Variants in MAP3K2 observed in about 807,000 individuals in gnomAD.
MAP3K2 encodes mitogen-activated protein kinase kinase kinase 2.
Under a neutral mutation model 80.3 loss-of-function variants are expected in MAP3K2, and 24 were observed. That is an observed-to-expected ratio of 0.30 (90% CI 0.22 to 0.42). The LOEUF (loss-of-function observed/expected upper bound fraction) is 0.42, where lower values mean the gene tolerates loss of function less well. Ranked by LOEUF, MAP3K2 falls within the 10% of genes least tolerant of loss-of-function variation. The pLI is 1.00. For missense variants in MAP3K2, 608 were observed against 750.1 expected (o/e 0.81, Z 2.21); for synonymous variants, 244 against 253.7 (o/e 0.96, Z 0.36).
At chr2:127,374,031 T>C (rs369926050) in intron 1 of MAP3K2, among the ~76,000 whole-genome samples, 9 of 152,314 alleles carry the variant, frequency 5.9e-5, no homozygotes, top group African/African-American at 2.2e-4. Flanking sequence ...ACCTAATGCT[T>C]TAACATTGTT....
chr2:127,324,084 T>C lies in MAP3K2; in HGVS notation c.745+90A>G, dbSNP rs892638471. 1.0e-4 allele frequency: 112 copies of C among 1,120,502 alleles called. 1 individual carries two copies. Among genetic ancestry groups the C allele is most frequent in the Middle Eastern group, 4.0e-4 (2 of 4,950 alleles). 69.4% of individuals were successfully genotyped at this position (1,120,502 alleles called of 1,614,324 possible). On this transcript the variant is annotated intron_variant, in intron 10 of 16. Coordinates refer to ENST00000682094, the MANE Select transcript of MAP3K2 (RefSeq NM_001371910.2). Reference sequence around the variant, plus strand: ...AAAAGCACATTTATAAATCTTTATTTGACTTTTCAAAAATCCCCCCTCTCC... The same window carrying C: ...AAAAGCACATTTATAAATCTTTATTCGACTTTTCAAAAATCCCCCCTCTCC...
intron 15 of MAP3K2, 115 bp from the exon 16 acceptor site, chr2:127,308,877 G>A: frequency 9.0e-7 from 1 of 1,116,148 alleles, no homozygotes; most frequent in South Asian, 1.6e-5. Flanking sequence ...CCCAAAGTTA[G>A]GCTGCTTTTC....
chr2:127,353,968 T>C (rs958015257), intron 1 of MAP3K2, among the ~76,000 whole-genome samples: 2 of 151,800 alleles, frequency 1.3e-5, no homozygotes, highest in African/African-American at 4.8e-5. Flanking sequence ...CTCTGAAACA[T>C]GTGCTGTGTC....
chr2:127,386,234 A>T (rs1244256853), intron 1 of MAP3K2, among the ~76,000 whole-genome samples: 1 of 152,204 alleles, frequency 6.6e-6, no homozygotes, highest in Non-Finnish European at 1.5e-5. Context: ...TTCAGTACAG[A>T]GCTCTGGCTC....
chr2:127,382,367 A>C (rs183356452), intron 1 of MAP3K2, among the ~76,000 whole-genome samples: 240 of 152,066 alleles, frequency 1.6e-3, no homozygotes, highest in Admixed American at 4.8e-3. Context: ...ATTGAGCTTC[A>C]TTTTATTCTG....
At chr2:127,369,604 T>C (rs909091509) in intron 1 of MAP3K2, among the ~76,000 whole-genome samples, 1 of 151,942 alleles carries the variant, frequency 6.6e-6, no homozygotes, top group Non-Finnish European at 1.5e-5. Flanking sequence ...TTCCATTTAA[T>C]GATTTTCAAA....
In MAP3K2 at chr2:127,338,943, G is replaced by C. The variant is rs1310683125; in HGVS notation, c.112C>G (p.Pro38Ala). 6.2e-7 allele frequency: 1 copy of C among 1,600,554 alleles called. No individual in the cohort carries two copies. Among genetic ancestry groups the C allele is most frequent in the East Asian group, 2.2e-5 (1 of 44,642 alleles). Residue 38 changes from proline (P) to alanine (A), a missense_variant, in exon 3 of 17, where the codon CCA becomes GCA. Pro to Ala is a conservative substitution (Grantham distance 27). Around this residue, in one of 4 missense-constraint regions of MAP3K2, gnomAD observed 467 missense variants for 521.9 expected, o/e 0.89. Transcript: ENST00000682094. ...QETRKAKSSS[P>A]KKQNDVRVKF... The stretch of plus-strand genomic sequence containing the variant: ...ATTAAAATAAATACCTGTTTTTTTG[G>C]TGATGAAGATTTTGCTTTTCTGGTT...
chr2:127,322,336 T>C lies in MAP3K2; in HGVS notation c.839-84A>G, dbSNP rs559529403. Reference sequence around the variant, plus strand: ...TATTTAAAATTTGTAATGTAGAGAATAGAAATTTGTCCTGTGACTAGGCTA... The same window carrying C: ...TATTTAAAATTTGTAATGTAGAGAACAGAAATTTGTCCTGTGACTAGGCTA... On this transcript the variant is annotated intron_variant, in intron 11 of 16. Coordinates refer to ENST00000682094, the MANE Select transcript of MAP3K2 (RefSeq NM_001371910.2). The surrounding 1 kb of genome is among the most constrained non-coding windows in gnomAD (Gnocchi z 4.2). 8 of 880,444 alleles carry C rather than the reference T, an allele frequency of 9.1e-6. No homozygotes were observed. The East Asian group carries it at 1.1e-4, about 12-fold the overall frequency. 54.5% of individuals were successfully genotyped at this position (880,444 alleles called of 1,614,324 possible).
At position 127,302,329 on chromosome 2, in the gene MAP3K2, T is replaced by A. The variant is rs1270838942; in HGVS notation, c.*5250A>T. On this transcript the variant is annotated 3_prime_UTR_variant, in exon 17 of 17. Coordinates refer to ENST00000682094, the MANE Select transcript of MAP3K2 (RefSeq NM_001371910.2). Reference sequence around the variant, plus strand: ...TACCCAAGGATGACTACACTCACTGTATGTCATCAGTAGGTCATACATTTG... The same window carrying A: ...TACCCAAGGATGACTACACTCACTGAATGTCATCAGTAGGTCATACATTTG... 3 of 152,144 alleles carry A rather than the reference T, an allele frequency of 2.0e-5. No individual in the cohort carries two copies. The highest frequency in any genetic ancestry group is 1.3e-4 in the Admixed American group (2 of 15,266). 9.4% of individuals were successfully genotyped at this position (152,144 alleles called of 1,614,324 possible). A position where few individuals can be genotyped will look rare whatever the true frequency, so the allele number is the denominator to read the frequency against.
rs190343718 is a variant in MAP3K2, at chr2:127,325,718, T to C, written c.677+10A>G. 113 of 1,602,414 alleles carry C rather than the reference T, an allele frequency of 7.1e-5. No homozygotes were observed. In the African/African-American group the frequency reaches 1.3e-3, roughly 18 times the overall value. On this transcript the variant is annotated intron_variant, in intron 9 of 16. Coordinates refer to ENST00000682094, the MANE Select transcript of MAP3K2 (RefSeq NM_001371910.2). ...CAAATAAACCCTCCAAAAACTACGA[T>C]AAACATTACCCATCCAAAGGACTAT...
At chr2:127,345,107 G>A (rs547001522) in intron 1 of MAP3K2, among the ~76,000 whole-genome samples, 25 of 152,264 alleles carry the variant, frequency 1.6e-4, no homozygotes, top group African/African-American at 5.8e-4. Flanking sequence ...TCCCAGTTTG[G>A]CCTCCCTAAG....
rs896372854 is a variant in MAP3K2, at chr2:127,321,863, A to C, written c.1045+183T>G. On this transcript the variant is annotated intron_variant, in intron 12 of 16. Coordinates refer to ENST00000682094, the MANE Select transcript of MAP3K2 (RefSeq NM_001371910.2). This position sits in a 1 kb window ranked among gnomAD's most constrained non-coding sequence, Gnocchi z 4.4. ...ACAAGTGAAGAACAGAATTATCTAAAGTAATTAGCAGTGATACCATGCTTA... is the reference window on the plus strand; with the variant it reads ...ACAAGTGAAGAACAGAATTATCTAACGTAATTAGCAGTGATACCATGCTTA... Among the ~76,000 whole-genome samples the C allele has an allele frequency of 2.0e-5, 3 of 152,258 alleles. No homozygotes were observed. The highest frequency in any genetic ancestry group is 2.1e-4 in the South Asian group (1 of 4,836).
intron 1 of MAP3K2, among the ~76,000 whole-genome samples, chr2:127,375,421 T>A (rs1687135241): frequency 6.6e-6 from 1 of 151,044 alleles, no homozygotes; most frequent in African/African-American, 2.4e-5. Flanking sequence ...TTTATTTATT[T>A]TTTTTTTGAG....
intron 1 of MAP3K2, among the ~76,000 whole-genome samples, chr2:127,370,153 C>T (rs1687038759): frequency 6.6e-6 from 1 of 152,226 alleles, no homozygotes; most frequent in Non-Finnish European, 1.5e-5. Flanking sequence ...GAATTCCCCA[C>T]AAGTGTGTTG....
chr2:127,308,367 A>C (rs1193965175), intron 16 of MAP3K2, among the ~76,000 whole-genome samples: 3 of 152,272 alleles, frequency 2.0e-5, no homozygotes, highest in Non-Finnish European at 4.4e-5. Context: ...TCACGACAAA[A>C]TCCTTCCTAA....
chr2:127,367,450 G>C (rs1686991592), intron 1 of MAP3K2, among the ~76,000 whole-genome samples: 1 of 152,214 alleles, frequency 6.6e-6, no homozygotes, highest in South Asian at 2.1e-4. Context: ...AACTGAATCA[G>C]GAGACATTAG....
intron 1 of MAP3K2, among the ~76,000 whole-genome samples, chr2:127,360,921 A>C (rs527381390): frequency 1.3e-5 from 2 of 152,312 alleles, no homozygotes; most frequent in South Asian, 4.1e-4. Flanking sequence ...AGGTGGCTGC[A>C]GGTAAAAGGA....
chr2:127,314,190 A>G (rs1247755708), intron 15 of MAP3K2, among the ~76,000 whole-genome samples: 1 of 152,196 alleles, frequency 6.6e-6, no homozygotes, highest in East Asian at 1.9e-4. Flanking sequence ...TCAGTTTGAC[A>G]TAGTTGGGGT....
chr2:127,379,509 C>A (rs1687212198), intron 1 of MAP3K2, among the ~76,000 whole-genome samples: 1 of 152,144 alleles, frequency 6.6e-6, no homozygotes, highest in African/African-American at 2.4e-5. Context: ...TTTTCTTTAT[C>A]TTTTCTGTAT....
Sources: gnomAD v4.1 joint callset for allele counts (sites outside exome capture counted in the v4.1 genomes callset) on GRCh38, gnomAD v4.1.1 for gene constraint, gnomAD v4.1.1 regional missense constraint, Gnocchi (gnomAD v3.1) non-coding constraint, MANE v1.5 for transcripts, NCBI Gene and HGNC (gene_info 2026-07-23, HGNC 2026-07-21) for gene names.